The following OTULIN variants were observed in gnomAD, a reference collection of about 807,000 sequenced individuals.
OTULIN encodes the protein ubiquitin thioesterase otulin.
Under a neutral mutation model 39.6 loss-of-function variants are expected in OTULIN, and 15 were observed. The observed-to-expected ratio is 0.38, with a 90% CI of 0.25 to 0.58. OTULIN has a LOEUF of 0.58. OTULIN is among the 20% of genes least tolerant of loss of function. The pLI is 0.66. For missense variants in OTULIN, 319 were observed against 445.9 expected (o/e 0.72, Z 2.56); for synonymous variants, 156 against 170.3 (o/e 0.92, Z 0.65).
intron 1 of OTULIN, among the ~76,000 whole-genome samples, chr5:14,667,870 A>G (rs972694810): frequency 5.3e-5 from 8 of 152,144 alleles, no homozygotes; most frequent in East Asian, 1.9e-4. Context: ...TTTACCTTCA[A>G]GCTCCCTCTG....
chr5:14,703,361 A>C (rs1312722575), downstream of OTULIN, among the ~76,000 whole-genome samples: 2 of 113,856 alleles, frequency 1.8e-5, no homozygotes, highest in African/African-American at 3.2e-5. Context: ...AAAAAAAAAA[A>C]AACTTAGAAG....
chr5:14,674,849 G>T (rs1181143504), intron 2 of OTULIN, among the ~76,000 whole-genome samples: 2 of 152,116 alleles, frequency 1.3e-5, no homozygotes. Context: ...GCCATTTGTT[G>T]GACTCATCCC....
downstream of OTULIN, among the ~76,000 whole-genome samples, chr5:14,702,562 G>A (rs934823554): frequency 1.3e-5 from 2 of 152,128 alleles, no homozygotes; most frequent in African/African-American, 2.4e-5. Context: ...AAGAAGAACC[G>A]GGCGAGGTTA....
chr5:14,707,203 A>C, the OTULIN span: 1 of 152,318 alleles, frequency 6.6e-6, no homozygotes, highest in Admixed American at 6.5e-5. Flanking sequence ...TTTTAAATAC[A>C]AGAAAATATT....
chr5:14,669,604 T>C (rs1465648578), intron 1 of OTULIN, among the ~76,000 whole-genome samples: 2 of 152,110 alleles, frequency 1.3e-5, no homozygotes, highest in Non-Finnish European at 2.9e-5. Flanking sequence ...AGACCCTGAC[T>C]CTATAACAAA....
chr5:14,690,046 G>C lies in OTULIN; in HGVS notation c.602G>C (p.Gly201Ala). The C allele has an allele frequency of 6.2e-7, 1 of 1,613,204 alleles. No homozygotes were observed. Among genetic ancestry groups the C allele is most frequent in the South Asian group, 1.1e-5 (1 of 91,054 alleles). Reference protein sequence around the residue: ...SLTLLRKKWAGLAEMRTAEAR... With the variant: ...SLTLLRKKWAALAEMRTAEAR... ...ATAACTTTCTTATTGTAGTGGGCAG[G>C]CTTGGCTGAAATGAGAACTGCTGAA... The change falls in exon 6 of 7, where the codon GGC (glycine) becomes GCC (alanine). Residue 201 changes from glycine (G) to alanine (A), a missense_variant. By Grantham distance (60) the Gly-to-Ala change is moderately conservative. Around this residue, in one of 4 missense-constraint regions of OTULIN, gnomAD observed 106 missense variants for 192.8 expected, o/e 0.55. Transcript: ENST00000284274. This position sits in a 1 kb window ranked among gnomAD's most constrained non-coding sequence, Gnocchi z 4.5.
At chr5:14,712,075 GCTTTT>G in the OTULIN span, among the ~76,000 whole-genome samples, 1 of 152,116 alleles carries the variant, frequency 6.6e-6, no homozygotes, top group East Asian at 1.9e-4. Flanking sequence ...TCCCTACCCT[GCTTTT>G]CTTTCATTAT....
the OTULIN span, chr5:14,711,131 G>A: frequency 7.7e-7 from 1 of 1,298,370 alleles, no homozygotes; most frequent in South Asian, 1.2e-5. Flanking sequence ...GATGGGAGAG[G>A]GAAGAGATGA....
downstream of OTULIN, among the ~76,000 whole-genome samples, chr5:14,700,469 A>G (rs2126361822): frequency 6.6e-6 from 1 of 152,232 alleles, no homozygotes; most frequent in Middle Eastern, 3.4e-3. Context: ...CCCTGGGGCC[A>G]GGCATGGTTC....
At chr5:14,678,807 T>C in intron 3 of OTULIN, 32 bp downstream of exon 3, 2 of 1,409,506 alleles carry the variant, frequency 1.4e-6, no homozygotes, top group South Asian at 2.6e-5. Flanking sequence ...ATTTCAGGTC[T>C]TTCAAATAGT....
chr5:14,689,421 A>G (rs970289615), intron 5 of OTULIN, among the ~76,000 whole-genome samples: 1 of 152,170 alleles, frequency 6.6e-6, no homozygotes, highest in Admixed American at 6.5e-5. Flanking sequence ...AAAAGCACAT[A>G]TATTTATAGG....
chr5:14,711,619 G>A, the OTULIN span, among the ~76,000 whole-genome samples: 41 of 152,190 alleles, frequency 2.7e-4, no homozygotes, highest in East Asian at 2.3e-3. Context: ...CGCTCTCCCC[G>A]ACTCCTCACA....
intron 4 of OTULIN, among the ~76,000 whole-genome samples, chr5:14,682,742 T>A (rs1019682050): frequency 6.6e-6 from 1 of 152,156 alleles, no homozygotes; most frequent in African/African-American, 2.4e-5. Flanking sequence ...TTTTATTTTT[T>A]TTGATATTAA....
At chr5:14,667,764 C>T (rs1216371076) in intron 1 of OTULIN, among the ~76,000 whole-genome samples, 1 of 152,230 alleles carries the variant, frequency 6.6e-6, no homozygotes. Context: ...CATTTGAGAG[C>T]TGTGGTTGGC....
chr5:14,665,949 CA>C (rs1553994675), intron 1 of OTULIN, among the ~76,000 whole-genome samples: 10 of 152,162 alleles, frequency 6.6e-5, no homozygotes. Flanking sequence ...GATTGAAAGT[CA>C]GCGGGATTAC....
chr5:14,675,961 T>A (rs1225091855), intron 2 of OTULIN, among the ~76,000 whole-genome samples: 1 of 152,264 alleles, frequency 6.6e-6, no homozygotes, highest in Non-Finnish European at 1.5e-5. Flanking sequence ...ACATATTGTC[T>A]GTGGTGGCTT....
rs1015979867 is a variant in OTULIN, at chr5:14,697,755, T to G, written c.*4707T>G. ...TTTCTCAATTAATCTCATTGATTTG[T>G]TTGGTATAAGTTTGGGTCAGAAATG... On this transcript the variant is annotated 3_prime_UTR_variant, in exon 7 of 7. Transcript: ENST00000284274. The G allele has an allele frequency of 6.6e-6, 1 of 152,180 alleles. No homozygotes were observed. Among genetic ancestry groups the G allele is most frequent in the African/African-American group, 2.4e-5 (1 of 41,442 alleles). 9.4% of individuals were successfully genotyped at this position (152,180 alleles called of 1,614,324 possible).
chr5:14,673,913 C>T lies in OTULIN; in HGVS notation c.229+195C>T. On this transcript the variant is annotated intron_variant, in intron 2 of 6. Coordinates refer to ENST00000284274, the MANE Select transcript of OTULIN (RefSeq NM_138348.6). ...TTAAATTTTAATGCAAACATTCTCTCTGCATTCTTTACATTCATATCGTTT... is the reference window on the plus strand; with the variant it reads ...TTAAATTTTAATGCAAACATTCTCTTTGCATTCTTTACATTCATATCGTTT... 4 of 416,044 alleles carry T rather than the reference C, an allele frequency of 9.6e-6. No homozygotes were observed. In the South Asian group the frequency reaches 1.1e-4, roughly 12 times the overall value. The allele number at this position is 416,044 out of a possible 1,614,324, so 25.8% of individuals were successfully genotyped here.
chr5:14,716,092 T>C, the OTULIN span, among the ~76,000 whole-genome samples: 1 of 152,276 alleles, frequency 6.6e-6, no homozygotes, highest in Non-Finnish European at 1.5e-5. Flanking sequence ...TGAACACATT[T>C]GTGTTCCCAC....
Sources: allele counts gnomAD v4.1 joint callset (sites outside exome capture counted in the v4.1 genomes callset), GRCh38; gene constraint gnomAD v4.1.1; regional missense constraint gnomAD v4.1.1; non-coding constraint Gnocchi (gnomAD v3.1); transcripts MANE v1.5; gene names NCBI Gene and HGNC (gene_info 2026-07-23, HGNC 2026-07-21).